The following TUBGCP3 variants were observed in gnomAD, a reference collection of about 807,000 sequenced individuals.
TUBGCP3 encodes the protein tubulin gamma complex component 3.
Under a neutral mutation model 123.1 loss-of-function variants are expected in TUBGCP3, and 50 were observed. That is an observed-to-expected ratio of 0.41 (90% CI 0.32 to 0.51). The LOEUF is 0.51. Ranked by LOEUF, TUBGCP3 falls within the 20% of genes least tolerant of loss-of-function variation. The pLI, the probability that TUBGCP3 is intolerant of heterozygous loss-of-function variation, is 0.36. For synonymous variants in TUBGCP3, 405 were observed against 413.9 expected (o/e 0.98, Z 0.26); for missense variants, 882 against 1,127.0 (o/e 0.78, Z 3.11).
intron 7 of TUBGCP3, 96 bp downstream of exon 7, chr13:112,554,790 AC>A: frequency 1.2e-6 from 1 of 813,310 alleles, no homozygotes; most frequent in South Asian, 1.8e-5. Context: ...GATTCGCAAA[AC>A]CCCAGTACCA....
intron 17 of TUBGCP3, 64 bp from the exon 18 acceptor site, chr13:112,504,778 TC>T (rs1375115484): frequency 7.6e-6 from 10 of 1,315,552 alleles, no homozygotes; most frequent in Non-Finnish European, 1.1e-5. Flanking sequence ...CGCGCTGTTC[TC>T]CCTTACCCAC....
At chr13:112,566,225 A>T (rs1456349528) in intron 2 of TUBGCP3, among the ~76,000 whole-genome samples, 2 of 152,198 alleles carry the variant, frequency 1.3e-5, no homozygotes, top group Admixed American at 6.5e-5. Context: ...AACACTGCAA[A>T]CATCACCTGT....
At chr13:112,543,729 G>A (rs1420523789) in intron 11 of TUBGCP3, among the ~76,000 whole-genome samples, 3 of 152,034 alleles carry the variant, frequency 2.0e-5, no homozygotes, top group Non-Finnish European at 2.9e-5. Flanking sequence ...ATGATTCTTC[G>A]TACTATTTTT....
the TUBGCP3 span, among the ~76,000 whole-genome samples, chr13:112,593,672 C>CA: frequency 8.0e-5 from 12 of 149,342 alleles, no homozygotes; most frequent in Admixed American, 3.3e-4. Context: ...GACTCCATCT[C>CA]AAAAAAAAGA....
chr13:112,514,864 C>T (rs891098969), intron 17 of TUBGCP3, among the ~76,000 whole-genome samples: 1 of 152,036 alleles, frequency 6.6e-6, no homozygotes, highest in Non-Finnish European at 1.5e-5. Flanking sequence ...TTATTTATAT[C>T]GGCAAAAAAT....
chr13:112,544,160 T>A lies in TUBGCP3; in HGVS notation c.1335+1539A>T, dbSNP rs1017305702. ...AACGTGGCAGAAGCAGTTTAAAATA[T>A]GCATCCCCACAGGCCGGGCGCAGTG... On this transcript the variant is annotated intron_variant, in intron 11 of 21. Transcript: ENST00000261965. Among the ~76,000 whole-genome samples, 7 of 152,162 alleles carry A rather than the reference T, an allele frequency of 4.6e-5. No individual in the cohort carries two copies. The South Asian group carries it at 1.5e-3, about 32-fold the overall frequency.
intron 14 of TUBGCP3, among the ~76,000 whole-genome samples, chr13:112,521,494 C>T (rs548116810): frequency 3.2e-4 from 49 of 152,330 alleles, no homozygotes; most frequent in African/African-American, 1.1e-3. Context: ...TACCCCACAC[C>T]TGAGAATCTC....
Position 112,504,635 on chromosome 13 carries a change from G to A in TUBGCP3, c.2166C>T (p.Ile722=), listed in dbSNP as rs1881164870. ...VHFIHQMQYY[I]TFEVLECSWD... is the part of the protein sequence containing the mutation. Reference sequence around the variant, plus strand: ...AATGACTGAAGTGTACCTCAAATGTGATGTAATACTGCATCTGATGAATGA... The same window carrying A: ...AATGACTGAAGTGTACCTCAAATGTAATGTAATACTGCATCTGATGAATGA... The change falls in exon 18 of 22, where the codon ATC becomes ATT. Residue 722 remains isoleucine, a synonymous_variant. Transcript: ENST00000261965. 6.2e-7 allele frequency: 1 copy of A among 1,613,286 alleles called. No individual in the cohort carries two copies. The highest frequency in any genetic ancestry group is 1.3e-5 in the African/African-American group (1 of 74,806).
chr13:112,516,857 C>G (rs185864279), intron 16 of TUBGCP3, among the ~76,000 whole-genome samples: 3 of 152,162 alleles, frequency 2.0e-5, no homozygotes, highest in African/African-American at 4.8e-5. Context: ...ACAACTCCCC[C>G]CAACCCGCCT....
At chr13:112,496,715 G>A (rs1203841409) in intron 20 of TUBGCP3, among the ~76,000 whole-genome samples, 7 of 152,146 alleles carry the variant, frequency 4.6e-5, no homozygotes, top group Non-Finnish European at 7.3e-5. Flanking sequence ...GGCCGGGCGC[G>A]GTGGCTCATG....
chr13:112,486,351 T>A (rs2139171923), intron 21 of TUBGCP3, among the ~76,000 whole-genome samples, 200 bp from the exon 22 acceptor site: 1 of 152,276 alleles, frequency 6.6e-6, no homozygotes, highest in South Asian at 2.1e-4. Flanking sequence ...TGCACCTGCA[T>A]TAGGAATGGG....
At position 112,508,465 on chromosome 13, in the gene TUBGCP3, G is replaced by A. The variant is rs550649964; in HGVS notation, c.2087-3751C>T. ...TAGTTGAAAAGGTATCGTGCACCAC[G>A]ACAGACAGGTCTACAGCCCCCACCC... On this transcript the variant is annotated intron_variant, in intron 17 of 21. Coordinates refer to ENST00000261965, the MANE Select transcript of TUBGCP3 (RefSeq NM_006322.6). This position sits in a 1 kb window ranked among gnomAD's most constrained non-coding sequence, Gnocchi z 4.2. 1.5e-3 allele frequency among the ~76,000 whole-genome samples: 233 copies of A among 152,194 alleles called. 3 individuals carry two copies. The South Asian group carries it at 0.016, about 10-fold the overall frequency.
chr13:112,547,256 C>T (rs1341620036), intron 10 of TUBGCP3: 5 of 397,234 alleles, frequency 1.3e-5, no homozygotes, highest in Non-Finnish European at 1.8e-5. Flanking sequence ...TAACCAAGGA[C>T]CACACAAGAG....
At chr13:112,490,810 G>A (rs1021174834) in intron 20 of TUBGCP3, among the ~76,000 whole-genome samples, 5 of 152,108 alleles carry the variant, frequency 3.3e-5, no homozygotes, top group South Asian at 2.1e-4. Flanking sequence ...GCTGACCATC[G>A]GTGCGTTTGG....
chr13:112,500,078 T>C (rs772749106), intron 19 of TUBGCP3, among the ~76,000 whole-genome samples: 1 of 152,150 alleles, frequency 6.6e-6, no homozygotes, highest in Non-Finnish European at 1.5e-5. Flanking sequence ...GAGAGGCTTT[T>C]CACGGACCAC....
chr13:112,563,731 CG>C (rs1028381732), intron 3 of TUBGCP3, among the ~76,000 whole-genome samples: 7 of 150,238 alleles, frequency 4.7e-5, no homozygotes, highest in Non-Finnish European at 7.4e-5. Flanking sequence ...AAAAATTAGC[CG>C]GGCGTGTTGG....
intron 3 of TUBGCP3, among the ~76,000 whole-genome samples, chr13:112,562,751 C>G (rs901008441): frequency 1.8e-4 from 28 of 152,162 alleles, no homozygotes; most frequent in African/African-American, 6.5e-4. Flanking sequence ...ACTACAGGAC[C>G]GCAAGTTCAG....
chr13:112,557,350 C>T (rs1325198462), intron 5 of TUBGCP3, among the ~76,000 whole-genome samples: 1 of 152,186 alleles, frequency 6.6e-6, no homozygotes, highest in Non-Finnish European at 1.5e-5. Context: ...ATGTATAGAA[C>T]ACACATTCTG....
At chr13:112,571,484 C>A (rs968063919) in intron 1 of TUBGCP3, among the ~76,000 whole-genome samples, 2 of 152,178 alleles carry the variant, frequency 1.3e-5, no homozygotes, top group African/African-American at 2.4e-5. Context: ...CGTTTCATTT[C>A]TAGAGCACAG....
Sources: gnomAD v4.1 joint callset for allele counts (sites outside exome capture counted in the v4.1 genomes callset) on GRCh38, gnomAD v4.1.1 for gene constraint, Gnocchi (gnomAD v3.1) non-coding constraint, MANE v1.5 for transcripts, NCBI Gene and HGNC (gene_info 2026-07-23, HGNC 2026-07-21) for gene names.